Variants in KSR2 observed in about 807,000 individuals in gnomAD.
KSR2 encodes kinase suppressor of ras 2.
In KSR2, 25 loss-of-function variants were observed where a neutral mutation model predicts 107.8. The ratio of observed to expected loss-of-function variants is 0.23; its 90% CI spans 0.17 to 0.32. KSR2 has a LOEUF of 0.32. Among genes scored for constraint, KSR2 ranks in the 10% least tolerant of loss-of-function variants. The pLI, the probability that KSR2 is intolerant of heterozygous loss-of-function variation, is 1.00. For missense variants in KSR2, 887 were observed against 1,268.9 expected, an observed-to-expected ratio of 0.70 and a Z score of 4.57; for synonymous variants, 480 against 507.0, an observed-to-expected ratio of 0.95 and a Z score of 0.71.
At chr12:117,957,166 A>C (rs996483475) in intron 1 of KSR2, among the ~76,000 whole-genome samples, 2 of 152,000 alleles carry the variant, frequency 1.3e-5, no homozygotes, top group African/African-American at 4.8e-5. Flanking sequence ...CTTCTCTTCC[A>C]GGAGATTTCA....
chr12:117,787,028 T>G (rs1379937858), intron 3 of KSR2, among the ~76,000 whole-genome samples: 3 of 99,964 alleles, frequency 3.0e-5, no homozygotes, highest in African/African-American at 1.5e-4. Flanking sequence ...AAACTCCATC[T>G]CAAAAAAAAA....
At chr12:117,699,403 T>G (rs1384701142) in intron 4 of KSR2, among the ~76,000 whole-genome samples, 3 of 152,226 alleles carry the variant, frequency 2.0e-5, no homozygotes, top group African/African-American at 7.2e-5. Context: ...TGCATTAGGT[T>G]ATTTTTGTCA....
chr12:117,615,214 TACACACAC>T (rs57116320), intron 5 of KSR2, among the ~76,000 whole-genome samples: 6,655 of 147,820 alleles, frequency 0.045, 184 homozygotes, highest in South Asian at 0.1. Flanking sequence ...TCTCTTCAGT[TACACACAC>T]ACACACACAC....
At chr12:117,683,555 C>A (rs530037293) in intron 4 of KSR2, among the ~76,000 whole-genome samples, 2 of 152,118 alleles carry the variant, frequency 1.3e-5, no homozygotes, top group African/African-American at 4.8e-5. Flanking sequence ...AACATTTACA[C>A]CTGAAAAATA....
At chr12:117,686,375 T>A (rs1885575909) in intron 4 of KSR2, among the ~76,000 whole-genome samples, 1 of 151,896 alleles carries the variant, frequency 6.6e-6, no homozygotes, top group Non-Finnish European at 1.5e-5. Flanking sequence ...CTCATTTTAT[T>A]CTTTATGATG....
chr12:117,868,436 A>AT lies in KSR2; in HGVS notation c.181-8006dup, dbSNP rs1555252276. ...AGACTCTGTCTCAAAAAAAAAAAAA[A>AT]TTAAAAAGAAAAAACAATAAAAATA... On this transcript the variant is annotated intron_variant, in intron 1 of 19. Transcript: ENST00000339824. 4.5e-3 allele frequency among the ~76,000 whole-genome samples: 679 copies of AT among 151,904 alleles called. 45 individuals are homozygous for AT. The East Asian group carries it at 0.11, about 25-fold the overall frequency.
chr12:117,861,116 A>T (rs1893275676), intron 1 of KSR2, among the ~76,000 whole-genome samples: 1 of 152,172 alleles, frequency 6.6e-6, no homozygotes, highest in Non-Finnish European at 1.5e-5. Context: ...ACTTCCCTAC[A>T]GTTCTGTTTG....
At chr12:117,791,826 A>G (rs976619711) in intron 3 of KSR2, among the ~76,000 whole-genome samples, 2 of 152,218 alleles carry the variant, frequency 1.3e-5, no homozygotes, top group East Asian at 1.9e-4. Context: ...GTTGCAACCG[A>G]TATCAACATT....
At chr12:117,652,317 A>T (rs950767768) in intron 5 of KSR2, among the ~76,000 whole-genome samples, 2 of 152,148 alleles carry the variant, frequency 1.3e-5, no homozygotes, top group African/African-American at 4.8e-5. Context: ...GAAAAAATAA[A>T]AATAATAATA....
At chr12:117,913,943 A>G (rs925625819) in intron 1 of KSR2, among the ~76,000 whole-genome samples, 1 of 151,990 alleles carries the variant, frequency 6.6e-6, no homozygotes, top group Non-Finnish European at 1.5e-5. Flanking sequence ...AACCTCTCCC[A>G]TGACTTTTCT....
At chr12:117,702,608 T>A (rs1373322423) in intron 4 of KSR2, among the ~76,000 whole-genome samples, 4 of 152,226 alleles carry the variant, frequency 2.6e-5, no homozygotes, top group Admixed American at 6.5e-5. Context: ...TCAGTGCCTA[T>A]GGATGGTGTC....
intron 4 of KSR2, among the ~76,000 whole-genome samples, chr12:117,704,587 G>T (rs115390233): frequency 0.013 from 2,053 of 152,098 alleles, 53 homozygotes; most frequent in African/African-American, 0.045. Flanking sequence ...GGCCAGGTGC[G>T]GTGGCTCACA....
intron 3 of KSR2, among the ~76,000 whole-genome samples, chr12:117,801,841 G>A (rs887271295): frequency 6.6e-6 from 1 of 151,886 alleles, no homozygotes; most frequent in Non-Finnish European, 1.5e-5. Context: ...AGTACCGTGG[G>A]GGGAAGAAGA....
intron 14 of KSR2, among the ~76,000 whole-genome samples, chr12:117,508,272 A>G (rs560729872): frequency 6.6e-6 from 1 of 152,290 alleles, no homozygotes; most frequent in South Asian, 2.1e-4. Context: ...CAGCCTTCCC[A>G]TGCTACTGGC....
At chr12:117,775,182 T>C (rs1889644368) in intron 3 of KSR2, among the ~76,000 whole-genome samples, 1 of 151,988 alleles carries the variant, frequency 6.6e-6, no homozygotes, top group Non-Finnish European at 1.5e-5. Context: ...AGGGGTGGAG[T>C]TGCTGGGTCA....
intron 4 of KSR2, among the ~76,000 whole-genome samples, chr12:117,753,544 T>C (rs1009558364): frequency 2.0e-4 from 31 of 152,206 alleles, no homozygotes; most frequent in African/African-American, 7.5e-4. Context: ...CCATTATCCT[T>C]GGCAAACTAA....
intron 1 of KSR2, among the ~76,000 whole-genome samples, chr12:117,938,018 A>G (rs1895898502): frequency 6.7e-6 from 1 of 148,776 alleles, no homozygotes; most frequent in Admixed American, 6.8e-5. Flanking sequence ...GACTCCTCCC[A>G]TGTTGGACTT....
At chr12:117,682,671 G>A (rs1413429911) in intron 4 of KSR2, among the ~76,000 whole-genome samples, 1 of 152,148 alleles carries the variant, frequency 6.6e-6, no homozygotes, top group African/African-American at 2.4e-5. Context: ...CGCTGCCTCA[G>A]CCTCCCAAAG....
intron 1 of KSR2, among the ~76,000 whole-genome samples, chr12:117,922,804 G>A (rs1444616191): frequency 6.6e-6 from 1 of 152,134 alleles, no homozygotes; most frequent in African/African-American, 2.4e-5. Context: ...AGTGGAGAAT[G>A]GAGAATAAAG....
Sources: allele counts gnomAD v4.1 joint callset (sites outside exome capture counted in the v4.1 genomes callset), GRCh38; gene constraint gnomAD v4.1.1; transcripts MANE v1.5; gene names NCBI Gene and HGNC (gene_info 2026-07-23, HGNC 2026-07-21).